Variants in CADPS observed in about 807,000 individuals in gnomAD.
CADPS encodes calcium dependent secretion activator.
In CADPS, 57 loss-of-function variants were observed where a neutral mutation model predicts 167.3. The observed-to-expected ratio is 0.34, with a 90% CI of 0.28 to 0.42. CADPS has a LOEUF of 0.42. Among genes scored for constraint, CADPS ranks in the 20% least tolerant of loss-of-function variants. The probability of loss-of-function intolerance (pLI) is 1.00; values close to 1 mark genes in which losing one functional copy is unlikely to be tolerated. For missense variants in CADPS, 1,414 were observed against 1,738.1 expected (o/e 0.81, Z 3.32); for synonymous variants, 676 against 635.3 (o/e 1.06, Z -0.96).
At chr3:62,408,208 G>A (rs917253899) in intron 28 of CADPS, among the ~76,000 whole-genome samples, 1 of 152,076 alleles carries the variant, frequency 6.6e-6, no homozygotes, top group Non-Finnish European at 1.5e-5. Flanking sequence ...TCTAACATTC[G>A]GGTTCACCAA....
chr3:62,715,471 T>A (rs1321786449), intron 3 of CADPS, among the ~76,000 whole-genome samples: 1 of 150,144 alleles, frequency 6.7e-6, no homozygotes, highest in Non-Finnish European at 1.5e-5. Context: ...TTTGCTTGAG[T>A]CACAAAAGAT....
At chr3:62,678,893 A>G (rs1259109500) in intron 3 of CADPS, among the ~76,000 whole-genome samples, 1 of 152,002 alleles carries the variant, frequency 6.6e-6, no homozygotes, top group African/African-American at 2.4e-5. Flanking sequence ...CATCATTCCA[A>G]TGACTTTCCT....
intron 1 of CADPS, among the ~76,000 whole-genome samples, chr3:62,814,207 A>T (rs115996033): frequency 0.061 from 9,247 of 152,208 alleles, 357 homozygotes; most frequent in Middle Eastern, 0.25. Context: ...CCAAACCACC[A>T]GTCTTTGAAA....
chr3:62,482,632 T>C (rs115460810), intron 21 of CADPS, among the ~76,000 whole-genome samples: 3,624 of 152,292 alleles, frequency 0.024, 146 homozygotes, highest in African/African-American at 0.082. Context: ...AATTCAGCTC[T>C]TGTATTAGAC....
At chr3:62,838,377 A>G (rs1324459174) in intron 1 of CADPS, among the ~76,000 whole-genome samples, 1 of 152,206 alleles carries the variant, frequency 6.6e-6, no homozygotes, top group Non-Finnish European at 1.5e-5. Flanking sequence ...AGTATAAGCC[A>G]TATGATATTC....
Position 62,420,884 on chromosome 3 carries a change from A to AGG in CADPS, c.3777+17219_3777+17220insCC, listed in dbSNP as rs1366862779. On this transcript the variant is annotated intron_variant, in intron 28 of 29. Transcript: ENST00000383710. This position sits in a 1 kb window ranked among gnomAD's most constrained non-coding sequence, Gnocchi z 4.1. ...CGAACACACACACACACACACACAC[A>AGG]CACACACACACACACACAGGCACAC... Among the ~76,000 whole-genome samples, 1 of 132,522 alleles carries AGG rather than the reference A, an allele frequency of 7.5e-6. No individual in the cohort carries two copies. The highest frequency in any genetic ancestry group is 3.2e-5 in the African/African-American group (1 of 31,466). The allele number at this position is 132,522 out of a possible 152,430, so 86.9% of individuals were successfully genotyped here. A position where few individuals can be genotyped will look rare whatever the true frequency, so the allele number is the denominator to read the frequency against.
chr3:62,827,420 T>C (rs147969457), intron 1 of CADPS, among the ~76,000 whole-genome samples: 2 of 152,164 alleles, frequency 1.3e-5, no homozygotes, highest in Admixed American at 1.3e-4. Context: ...ATAACCCCCA[T>C]GAGGCACATA....
At position 62,602,223 on chromosome 3, in the gene CADPS, A is replaced by C. The variant is rs1356336773; in HGVS notation, c.1326-9475T>G. Among the ~76,000 whole-genome samples the C allele has an allele frequency of 7.9e-6, 1 of 125,858 alleles. No individual in the cohort carries two copies. The highest frequency in any genetic ancestry group is 1.6e-5 in the Non-Finnish European group (1 of 63,214). The allele number at this position is 125,858 out of a possible 152,430, so 82.6% of individuals were successfully genotyped here. The stretch of plus-strand genomic sequence containing the variant: ...AAGAACACATCTACGTTAGGCAAAT[A>C]AGGACCCTTGGAGAATTGGATTTTG... On this transcript the variant is annotated intron_variant, in intron 6 of 29. Transcript: ENST00000383710. This position sits in a 1 kb window ranked among gnomAD's most constrained non-coding sequence, Gnocchi z 4.4.
chr3:62,694,247 T>C lies in CADPS; in HGVS notation c.889-31853A>G, dbSNP rs142082128. 2.9e-3 allele frequency among the ~76,000 whole-genome samples: 437 copies of C among 152,232 alleles called. 1 individual carries two copies. The highest frequency in any genetic ancestry group is 4.9e-3 in the Admixed American group (75 of 15,296). On this transcript the variant is annotated intron_variant, in intron 3 of 29. Coordinates refer to ENST00000383710, the MANE Select transcript of CADPS (RefSeq NM_003716.4). ...AATAACATTATTTTGATTATCAAAGTCCATTGGATCAGGTCATAGATAAAT... is the reference window on the plus strand; with the variant it reads ...AATAACATTATTTTGATTATCAAAGCCCATTGGATCAGGTCATAGATAAAT...
intron 3 of CADPS, among the ~76,000 whole-genome samples, chr3:62,726,695 A>G (rs2076810460): frequency 6.6e-6 from 1 of 151,962 alleles, no homozygotes; most frequent in South Asian, 2.1e-4. Flanking sequence ...AATAATAATA[A>G]AGGATTCCAG....
intron 9 of CADPS, among the ~76,000 whole-genome samples, chr3:62,562,176 C>A (rs1229045755): frequency 6.6e-6 from 1 of 152,140 alleles, no homozygotes; most frequent in East Asian, 1.9e-4. Context: ...ACGGATTGAG[C>A]CAAAATCTGA....
chr3:62,742,574 T>G (rs2080505392), intron 3 of CADPS, among the ~76,000 whole-genome samples: 1 of 152,210 alleles, frequency 6.6e-6, no homozygotes, highest in Admixed American at 6.5e-5. Context: ...GCTAGCCATA[T>G]GCAGAAGATT....
At chr3:62,588,087 A>C (rs2085052212) in intron 7 of CADPS, among the ~76,000 whole-genome samples, 1 of 152,176 alleles carries the variant, frequency 6.6e-6, no homozygotes. Flanking sequence ...GCTGCACTCC[A>C]GCCAGCCGTG....
chr3:62,476,948 G>A (rs1443783915), intron 23 of CADPS, among the ~76,000 whole-genome samples: 1 of 152,100 alleles, frequency 6.6e-6, no homozygotes, highest in East Asian at 1.9e-4. Context: ...TTGATCTTGA[G>A]TTTGAGAAGT....
At chr3:62,752,606 C>T (rs1483147879) in intron 3 of CADPS, among the ~76,000 whole-genome samples, 1 of 152,170 alleles carries the variant, frequency 6.6e-6, no homozygotes, top group Non-Finnish European at 1.5e-5. Context: ...AAAGATGAAT[C>T]TCTCTGATAG....
At chr3:62,599,824 TTA>T (rs375532017) in intron 6 of CADPS, among the ~76,000 whole-genome samples, 9,383 of 18,606 alleles carry the variant, frequency 0.5, 2,147 homozygotes, top group Non-Finnish European at 0.57. Context: ...ATATTATATA[TTA>T]TATATATAAT....
intron 6 of CADPS, chr3:62,625,405 A>G (rs1430035083): frequency 2.7e-5 from 4 of 148,624 alleles, no homozygotes; most frequent in African/African-American, 5.2e-5. Flanking sequence ...ACACACACAC[A>G]CGCACACACA....
At chr3:62,829,688 G>C (rs1399804281) in intron 1 of CADPS, among the ~76,000 whole-genome samples, 1 of 152,032 alleles carries the variant, frequency 6.6e-6, no homozygotes, top group Non-Finnish European at 1.5e-5. Context: ...TGGGTTCTGG[G>C]CCAAAAATAA....
chr3:62,719,704 T>C (rs1390046636), intron 3 of CADPS, among the ~76,000 whole-genome samples: 1 of 152,214 alleles, frequency 6.6e-6, no homozygotes, highest in Non-Finnish European at 1.5e-5. Flanking sequence ...AATGTAGCCA[T>C]TGCCTAAGGA....
Sources: gnomAD v4.1 joint callset for allele counts (sites outside exome capture counted in the v4.1 genomes callset) on GRCh38, gnomAD v4.1.1 for gene constraint, Gnocchi (gnomAD v3.1) non-coding constraint, MANE v1.5 for transcripts, NCBI Gene and HGNC (gene_info 2026-07-23, HGNC 2026-07-21) for gene names.